Variants in SSH2 observed in about 807,000 individuals in gnomAD.
SSH2 encodes slingshot protein phosphatase 2.
A neutral mutation model predicts 135.2 loss-of-function variants in SSH2; 37 were observed. That is an observed-to-expected ratio of 0.27 (90% CI 0.21 to 0.36). The LOEUF (loss-of-function observed/expected upper bound fraction) is 0.36, where lower values mean the gene tolerates loss of function less well. Ranked by LOEUF, SSH2 falls within the 10% of genes least tolerant of loss-of-function variation. The pLI is 1.00. For synonymous variants in SSH2, 628 were observed against 646.2 expected (o/e 0.97, Z 0.43); for missense variants, 1,408 against 1,765.3 (o/e 0.80, Z 3.63).
At chr17:29,849,329 AT>A (rs1335590270) in intron 1 of SSH2, among the ~76,000 whole-genome samples, 1 of 152,026 alleles carries the variant, frequency 6.6e-6, no homozygotes, top group African/African-American at 2.4e-5. Flanking sequence ...AATAGAAAAA[AT>A]TAGCCGGGTG....
intron 3 of SSH2, among the ~76,000 whole-genome samples, chr17:29,787,159 C>T (rs1306259081): frequency 6.6e-6 from 1 of 152,214 alleles, no homozygotes; most frequent in Admixed American, 6.5e-5. Context: ...ATCCATCCCC[C>T]AGTCACCATT....
At chr17:29,761,377 C>A (rs2041296511) in intron 3 of SSH2, 5 of 1,064,112 alleles carry the variant, frequency 4.7e-6, no homozygotes, top group Non-Finnish European at 5.7e-6. Flanking sequence ...GCGGGCCCGC[C>A]GGGTCGCGCG....
intron 15 of SSH2, 109 bp from the exon 16 acceptor site, chr17:29,633,040 G>T: frequency 2.9e-6 from 3 of 1,021,248 alleles, no homozygotes; most frequent in South Asian, 1.6e-5. Context: ...CTGACTAAGA[G>T]AATACAAATC....
chr17:29,668,376 T>A (rs1047978074), intron 9 of SSH2, among the ~76,000 whole-genome samples: 11 of 152,172 alleles, frequency 7.2e-5, no homozygotes, highest in Admixed American at 7.2e-4. Flanking sequence ...TATCCATGCT[T>A]TATTTGTCCT....
chr17:29,701,115 C>T (rs1056656274), intron 4 of SSH2, among the ~76,000 whole-genome samples: 1 of 151,982 alleles, frequency 6.6e-6, no homozygotes, highest in Non-Finnish European at 1.5e-5. Flanking sequence ...GGACCACAGG[C>T]GCCCGCCACC....
intron 1 of SSH2, among the ~76,000 whole-genome samples, chr17:29,860,530 T>A (rs1203698251): frequency 1.4e-5 from 2 of 145,382 alleles, no homozygotes; most frequent in Non-Finnish European, 3.0e-5. Context: ...AACCTCTGCA[T>A]CCTGGGTTCA....
intron 2 of SSH2, among the ~76,000 whole-genome samples, chr17:29,836,525 A>G (rs2042946529): frequency 6.6e-6 from 1 of 152,190 alleles, no homozygotes; most frequent in African/African-American, 2.4e-5. Flanking sequence ...GAAAACAAGA[A>G]TATCTCTTCT....
intron 3 of SSH2, among the ~76,000 whole-genome samples, chr17:29,704,736 A>G (rs1217363613): frequency 6.6e-6 from 1 of 151,656 alleles, no homozygotes; most frequent in Non-Finnish European, 1.5e-5. Context: ...GCAAAACACA[A>G]AAACTAGTGG....
chr17:29,818,548 C>A (rs9908638), intron 2 of SSH2, among the ~76,000 whole-genome samples: 20,739 of 151,896 alleles, frequency 0.14, 3,631 homozygotes, highest in African/African-American at 0.41. Context: ...GCGCCCAGCC[C>A]GCCAAGGGTA....
chr17:29,819,992 A>G (rs553289018), intron 2 of SSH2, among the ~76,000 whole-genome samples: 1 of 152,362 alleles, frequency 6.6e-6, no homozygotes, highest in Admixed American at 6.5e-5. Flanking sequence ...GAAATATTTA[A>G]AAACATTTTT....
At chr17:29,929,911 G>A in intron 1 of SSH2, 27 bp downstream of exon 1, 1 of 1,573,606 alleles carries the variant, frequency 6.4e-7, no homozygotes, top group Non-Finnish European at 8.6e-7. Context: ...ACAGAAGCAA[G>A]CGGAGCGGCC....
intron 3 of SSH2, among the ~76,000 whole-genome samples, chr17:29,707,995 G>A (rs1012287724): frequency 6.6e-6 from 1 of 152,054 alleles, no homozygotes. Flanking sequence ...CCAGAAATAA[G>A]CGTGTGGCTG....
At chr17:29,635,508 C>T (rs2035870833) in intron 15 of SSH2, among the ~76,000 whole-genome samples, 1 of 151,716 alleles carries the variant, frequency 6.6e-6, no homozygotes, top group Non-Finnish European at 1.5e-5. Context: ...GGGTTCACAC[C>T]ATTCTCCTGC....
At chr17:29,905,793 T>G (rs1321973811) in intron 1 of SSH2, among the ~76,000 whole-genome samples, 1 of 152,082 alleles carries the variant, frequency 6.6e-6, no homozygotes, top group Non-Finnish European at 1.5e-5. Flanking sequence ...GGACTGCCCA[T>G]GGGCCAATCT....
intron 1 of SSH2, among the ~76,000 whole-genome samples, chr17:29,916,663 T>C (rs574867525): frequency 2.0e-5 from 3 of 151,982 alleles, no homozygotes; most frequent in Non-Finnish European, 2.9e-5. Context: ...AGGAGAGAAA[T>C]AAAAATACTT....
chr17:29,761,180 G>C, intron 3 of SSH2: 1 of 1,289,814 alleles, frequency 7.8e-7, no homozygotes, highest in Non-Finnish European at 1.0e-6. Flanking sequence ...CGAGATGACC[G>C]CGTTGGCGGA....
rs59540894 is a variant in SSH2 at position 29,743,907 on chromosome 17, CTTTTTTTTTTTT to C, written c.189-40857_189-40846del. On this transcript the variant is annotated intron_variant, in intron 3 of 15. Coordinates refer to ENST00000540801, the MANE Select transcript of SSH2 (RefSeq NM_001282129.2). ...GGCATAATTTCTTTTTTCTTTTTTCCTTTTTTTTTTTTTTTTTTTTTTTTACAAAACAAAACG... is the reference window on the plus strand; with the variant it reads ...GGCATAATTTCTTTTTTCTTTTTTCCTTTTTTTTTTTTACAAAACAAAACG... Among the ~76,000 whole-genome samples, 328 of 99,874 alleles carry C rather than the reference CTTTTTTTTTTTT, an allele frequency of 3.3e-3. 1 individual carries two copies. Among genetic ancestry groups the C allele is most frequent in the African/African-American group, 0.012 (312 of 26,332 alleles). 65.5% of individuals were successfully genotyped at this position (99,874 alleles called of 152,430 possible).
chr17:29,632,494 G>T lies in SSH2; in HGVS notation c.2700C>A (p.Phe900Leu). 1 of 1,614,134 alleles carries T rather than the reference G, an allele frequency of 6.2e-7. No individual in the cohort carries two copies. The highest frequency in any genetic ancestry group is 8.5e-7 in the Non-Finnish European group (1 of 1,180,000). ...PGSVRRATLE[F>L]EERLRQEQEH... ...CTTGCTCCTGCCGTAAGCGCTCTTC[G>T]AACTCCAAGGTGGCTCGCCTCACAG... The change falls in exon 16 of 16, where the codon TTC becomes TTA. Residue 900 changes from phenylalanine (F) to leucine (L), a missense_variant. Physicochemically the swap from Phe to Leu is conservative, Grantham distance 22. This residue lies in a region of SSH2 where 1,080 missense variants were observed against 1,144.5 expected (regional missense o/e 0.94). Coordinates refer to ENST00000540801, the MANE Select transcript of SSH2 (RefSeq NM_001282129.2).
intron 2 of SSH2, among the ~76,000 whole-genome samples, chr17:29,832,737 C>T (rs1313318104): frequency 6.6e-6 from 1 of 152,134 alleles, no homozygotes; most frequent in Non-Finnish European, 1.5e-5. Context: ...GTGGCATGAT[C>T]TCAGCTCACT....
Sources: gnomAD v4.1 joint callset for allele counts (sites outside exome capture counted in the v4.1 genomes callset) on GRCh38, gnomAD v4.1.1 for gene constraint, gnomAD v4.1.1 regional missense constraint, MANE v1.5 for transcripts, NCBI Gene and HGNC (gene_info 2026-07-23, HGNC 2026-07-21) for gene names.